The following HHAT variants were observed in gnomAD, a reference collection of about 807,000 sequenced individuals.
HHAT encodes hedgehog acyltransferase.
A neutral mutation model predicts 70.8 loss-of-function variants in HHAT; 47 were observed. The ratio of observed to expected loss-of-function variants is 0.66; its 90% CI spans 0.53 to 0.85. HHAT has a LOEUF of 0.85. HHAT is among the 40% of genes least tolerant of loss of function. The pLI is 0.00. For synonymous variants in HHAT, 228 were observed against 247.6 expected, an observed-to-expected ratio of 0.92 and a Z score of 0.74; for missense variants, 609 against 604.8, an observed-to-expected ratio of 1.01 and a Z score of -0.07.
At chr1:210,390,495 T>C (rs1235621491) in intron 4 of HHAT, among the ~76,000 whole-genome samples, 5 of 152,316 alleles carry the variant, frequency 3.3e-5, no homozygotes, top group Admixed American at 2.6e-4. Flanking sequence ...GGTCTATTAT[T>C]GTAGGGAGAG....
At chr1:210,410,523 A>ATTT (rs35608235) in intron 6 of HHAT, among the ~76,000 whole-genome samples, 28,397 of 114,914 alleles carry the variant, frequency 0.25, 4,205 homozygotes, top group Non-Finnish European at 0.32. Context: ...TTATTTGTAA[A>ATTT]TTTTTTTTTT....
chr1:210,645,379 G>A (rs773753407), intron 11 of HHAT, among the ~76,000 whole-genome samples: 17 of 152,292 alleles, frequency 1.1e-4, no homozygotes, highest in Non-Finnish European at 1.6e-4. Context: ...CCGGGTTCAC[G>A]CCATTCTCCT....
At chr1:210,537,318 G>T (rs2095383806) in intron 9 of HHAT, among the ~76,000 whole-genome samples, 1 of 152,144 alleles carries the variant, frequency 6.6e-6, no homozygotes, top group Non-Finnish European at 1.5e-5. Flanking sequence ...CGTCCCACCA[G>T]TTCAGAAACA....
At chr1:210,443,260 G>T (rs2093564515) in intron 7 of HHAT, among the ~76,000 whole-genome samples, 1 of 150,924 alleles carries the variant, frequency 6.6e-6, no homozygotes, top group Admixed American at 6.6e-5. Flanking sequence ...TTGTAGTATA[G>T]TTTGAGGTCA....
rs566383984 is a variant in HHAT, at chr1:210,411,277, G to A, written c.684+6598G>A. 2.0e-3 allele frequency among the ~76,000 whole-genome samples: 297 copies of A among 152,284 alleles called. 3 individuals carry two copies. The highest frequency in any genetic ancestry group is 6.9e-3 in the African/African-American group (287 of 41,554). On this transcript the variant is annotated intron_variant, in intron 6 of 11. Coordinates refer to ENST00000261458, the MANE Select transcript of HHAT (RefSeq NM_018194.6). ...CATACCAAATGCTGCTTGGAGGCCC[G>A]AGGTACTGTCCTGGCCTTCAGGGAA... is the stretch of plus-strand genomic sequence containing the variant.
At chr1:210,504,007 A>G (rs568790588) in intron 8 of HHAT, among the ~76,000 whole-genome samples, 2 of 152,184 alleles carry the variant, frequency 1.3e-5, no homozygotes, top group African/African-American at 4.8e-5. Flanking sequence ...CCACAATAAG[A>G]AAAACATCAA....
chr1:210,513,083 A>G, intron 8 of HHAT, 70 bp from the exon 9 acceptor site: 1 of 895,494 alleles, frequency 1.1e-6, no homozygotes, highest in Non-Finnish European at 1.8e-6. Flanking sequence ...AATTATAAAT[A>G]TAGTTGTCTA....
chr1:210,505,643 G>A (rs1293798033), intron 8 of HHAT, among the ~76,000 whole-genome samples: 1 of 152,114 alleles, frequency 6.6e-6, no homozygotes, highest in African/African-American at 2.4e-5. Flanking sequence ...GCCCCCAGCT[G>A]TGCAAATTAG....
chr1:210,332,361 C>G (rs1001702722), intron 1 of HHAT, among the ~76,000 whole-genome samples: 1 of 152,226 alleles, frequency 6.6e-6, no homozygotes, highest in African/African-American at 2.4e-5. Context: ...TCATGTATAT[C>G]CTCCTGAAAA....
intron 7 of HHAT, among the ~76,000 whole-genome samples, chr1:210,439,259 G>T (rs903940010): frequency 1.3e-5 from 2 of 151,702 alleles, no homozygotes; most frequent in Non-Finnish European, 2.9e-5. Context: ...CTCTCTTGGG[G>T]GCATAATTAG....
chr1:210,488,063 T>C (rs1382138771), intron 8 of HHAT, among the ~76,000 whole-genome samples: 1 of 152,208 alleles, frequency 6.6e-6, no homozygotes, highest in African/African-American at 2.4e-5. Flanking sequence ...TTATTTTTCC[T>C]CTGTTAATCT....
intron 9 of HHAT, among the ~76,000 whole-genome samples, chr1:210,567,301 A>G (rs1655005949): frequency 6.6e-6 from 1 of 152,214 alleles, no homozygotes; most frequent in African/African-American, 2.4e-5. Context: ...CAGTGGATGA[A>G]AAGTTCTGCT....
chr1:210,430,558 C>G (rs905812198), intron 7 of HHAT, among the ~76,000 whole-genome samples: 4 of 151,794 alleles, frequency 2.6e-5, no homozygotes, highest in African/African-American at 7.3e-5. Context: ...TAATGAAGAT[C>G]ATAGTTTCTA....
intron 7 of HHAT, among the ~76,000 whole-genome samples, chr1:210,454,995 T>C (rs915619435): frequency 4.6e-5 from 7 of 152,210 alleles, no homozygotes; most frequent in Non-Finnish European, 1.0e-4. Context: ...GGTTGCCCAG[T>C]GTAGAGCCCT....
chr1:210,426,699 A>T (rs1434560388), intron 7 of HHAT, among the ~76,000 whole-genome samples: 1 of 152,110 alleles, frequency 6.6e-6, no homozygotes, highest in Non-Finnish European at 1.5e-5. Context: ...AGCCTACTTG[A>T]TTGTGGTGGA....
chr1:210,515,486 G>A (rs2095038110), intron 9 of HHAT, among the ~76,000 whole-genome samples: 3 of 152,040 alleles, frequency 2.0e-5, no homozygotes, highest in Admixed American at 2.0e-4. Context: ...GGCCAGGCAC[G>A]GTGGCTCACG....
In HHAT at chr1:210,484,203, G is replaced by A. The variant is rs368937659; in HGVS notation, c.1007+19548G>A. 3.3e-5 allele frequency among the ~76,000 whole-genome samples: 5 copies of A among 152,316 alleles called. No homozygotes were observed. In the East Asian group the frequency reaches 7.7e-4, roughly 23 times the overall value. ...AATGCCTGACTGACATGTAGGTGGA[G>A]TTCTAGGATCTTCTTTAATCTGGAA... is the stretch of plus-strand genomic sequence containing the variant. On this transcript the variant is annotated intron_variant, in intron 8 of 11. Transcript: ENST00000261458.
intron 11 of HHAT, among the ~76,000 whole-genome samples, chr1:210,643,894 A>G (rs1673473729): frequency 7.4e-6 from 1 of 134,434 alleles, no homozygotes; most frequent in African/African-American, 2.7e-5. Flanking sequence ...TTAAGATGTG[A>G]TATTTTTGAA....
At chr1:210,634,097 A>T (rs1671403825) in intron 11 of HHAT, among the ~76,000 whole-genome samples, 1 of 152,238 alleles carries the variant, frequency 6.6e-6, no homozygotes, top group Non-Finnish European at 1.5e-5. Flanking sequence ...TAAAAAAGTT[A>T]TTGTATTTCT....
Sources: allele counts gnomAD v4.1 joint callset (sites outside exome capture counted in the v4.1 genomes callset), GRCh38; gene constraint gnomAD v4.1.1; transcripts MANE v1.5; gene names NCBI Gene and HGNC (gene_info 2026-07-23, HGNC 2026-07-21).